Variants in CCDC85A observed in about 807,000 individuals in gnomAD.
The protein encoded by CCDC85A is coiled-coil domain-containing protein 85A.
A neutral mutation model predicts 50.2 loss-of-function variants in CCDC85A; 38 were observed. The ratio of observed to expected loss-of-function variants is 0.76; its 90% CI spans 0.58 to 0.99. CCDC85A has a LOEUF of 0.99. Among genes scored for constraint, CCDC85A ranks in the 50% least tolerant of loss-of-function variants. The pLI is 0.00. For missense variants in CCDC85A, 820 were observed against 742.0 expected, an observed-to-expected ratio of 1.11 and a Z score of -1.22; for synonymous variants, 366 against 301.4, an observed-to-expected ratio of 1.21 and a Z score of -2.22.
chr2:56,284,653 G>A (rs34721129), intron 2 of CCDC85A, among the ~76,000 whole-genome samples: 6 of 152,194 alleles, frequency 3.9e-5, no homozygotes. Context: ...GATTACAGGC[G>A]TGAGCCACCA....
intron 2 of CCDC85A, among the ~76,000 whole-genome samples, chr2:56,210,827 T>A (rs1158137723): frequency 6.6e-6 from 1 of 152,044 alleles, no homozygotes; most frequent in African/African-American, 2.4e-5. Context: ...TGTGACCTAG[T>A]CTTAGAAGTC....
chr2:56,321,565 C>T (rs1037808858), intron 2 of CCDC85A, among the ~76,000 whole-genome samples: 2 of 152,086 alleles, frequency 1.3e-5, no homozygotes, highest in East Asian at 1.9e-4. Flanking sequence ...GAATACAATA[C>T]CTAGGAATCC....
At chr2:56,190,005 A>G (rs1170003456) in intron 1 of CCDC85A, among the ~76,000 whole-genome samples, 1 of 152,224 alleles carries the variant, frequency 6.6e-6, no homozygotes, top group African/African-American at 2.4e-5. Flanking sequence ...AAGAATTAGA[A>G]CTGGAGTTAG....
chr2:56,361,039 G>T (rs966731077), intron 3 of CCDC85A, among the ~76,000 whole-genome samples: 1 of 152,106 alleles, frequency 6.6e-6, no homozygotes, highest in African/African-American at 2.4e-5. Context: ...AGATCACAAG[G>T]TCAGGAGATC....
At chr2:56,251,305 T>C (rs1310876632) in intron 2 of CCDC85A, among the ~76,000 whole-genome samples, 3 of 152,212 alleles carry the variant, frequency 2.0e-5, no homozygotes, top group African/African-American at 7.2e-5. Flanking sequence ...TAGTGAATAT[T>C]TGTTGAACAC....
chr2:56,239,766 A>G (rs1400731470), intron 2 of CCDC85A, among the ~76,000 whole-genome samples: 2 of 152,154 alleles, frequency 1.3e-5, no homozygotes, highest in Non-Finnish European at 2.9e-5. Flanking sequence ...TATTTTCCAG[A>G]TCCTTCCAGT....
At chr2:56,275,181 C>G (rs186611545) in intron 2 of CCDC85A, among the ~76,000 whole-genome samples, 1 of 152,276 alleles carries the variant, frequency 6.6e-6, no homozygotes, top group Admixed American at 6.5e-5. Flanking sequence ...CACCATGAAT[C>G]TGTTATATTA....
At chr2:56,259,407 C>T (rs1399039474) in intron 2 of CCDC85A, among the ~76,000 whole-genome samples, 9 of 152,202 alleles carry the variant, frequency 5.9e-5, no homozygotes, top group Non-Finnish European at 2.9e-5. Flanking sequence ...CAGCCTATTG[C>T]TCCAGTGCCT....
At chr2:56,372,292 TTG>T in intron 3 of CCDC85A, 50 bp from the exon 4 acceptor site, 1 of 1,453,058 alleles carries the variant, frequency 6.9e-7, no homozygotes, top group Non-Finnish European at 9.2e-7. Flanking sequence ...TTCTTGAGAC[TTG>T]GGAAACAGTA....
rs1273454858 is a variant in CCDC85A, at chr2:56,234,649, TC to T, written c.1240+41210del. On this transcript the variant is annotated intron_variant, in intron 2 of 5. Coordinates refer to ENST00000407595, the MANE Select transcript of CCDC85A (RefSeq NM_001080433.2). The stretch of plus-strand genomic sequence containing the variant: ...TAATTATTTATCCTACCTTTTTTTT[TC>T]TTCTCTGGATTTCATTTCCCTTTCA... 3.9e-5 allele frequency among the ~76,000 whole-genome samples: 6 copies of T among 152,294 alleles called. No individual in the cohort carries two copies. The East Asian group carries it at 1.2e-3, about 29-fold the overall frequency.
intron 2 of CCDC85A, among the ~76,000 whole-genome samples, chr2:56,241,160 TCAAACC>T (rs1443806684): frequency 1.3e-5 from 2 of 152,172 alleles, no homozygotes; most frequent in Admixed American, 6.6e-5. Flanking sequence ...AAATGTCTAT[TCAAACC>T]CTTTGGCCAT....
chr2:56,253,683 C>T, intron 2 of CCDC85A, among the ~76,000 whole-genome samples: 1 of 152,110 alleles, frequency 6.6e-6, no homozygotes. Flanking sequence ...CTGATGGTAG[C>T]AATGCATAGA....
At chr2:56,260,350 T>G (rs983102577) in intron 2 of CCDC85A, among the ~76,000 whole-genome samples, 2 of 152,236 alleles carry the variant, frequency 1.3e-5, no homozygotes, top group African/African-American at 4.8e-5. Context: ...AAAAAGAATC[T>G]GACAGGGAAC....
At position 56,192,693 on chromosome 2, in the gene CCDC85A, C is replaced by G. The variant is rs1432265483; in HGVS notation, c.493C>G (p.Leu165Val). 2.5e-6 allele frequency: 4 copies of G among 1,613,870 alleles called. No individual in the cohort carries two copies. The South Asian group carries it at 4.4e-5, about 18-fold the overall frequency. The change falls in exon 2 of 6, where the codon CTC becomes GTC. Residue 165 changes from leucine to valine, a missense_variant. Leu to Val is a conservative substitution (Grantham distance 32). Coordinates refer to ENST00000407595, the MANE Select transcript of CCDC85A (RefSeq NM_001080433.2). The surrounding 1 kb of genome is among the most constrained non-coding windows in gnomAD (Gnocchi z 4.7). Reference sequence around the variant, plus strand: ...GGAAGTGGTGAAGGAGAACATGGAGCTCAAGGAGCTCTGTGTGCTACTAGA... The same window carrying G: ...GGAAGTGGTGAAGGAGAACATGGAGGTCAAGGAGCTCTGTGTGCTACTAGA... ...QEEVVKENMELKELCVLLDEE... is the reference protein window; with the variant it reads ...QEEVVKENMEVKELCVLLDEE...
intron 3 of CCDC85A, among the ~76,000 whole-genome samples, chr2:56,371,937 C>T (rs890433815): frequency 3.9e-5 from 6 of 151,964 alleles, no homozygotes; most frequent in Admixed American, 6.6e-5. Context: ...GCATAGTGCT[C>T]CCAATTGTAT....
chr2:56,225,947 G>C (rs532908270), intron 2 of CCDC85A, among the ~76,000 whole-genome samples: 1 of 152,242 alleles, frequency 6.6e-6, no homozygotes, highest in South Asian at 2.1e-4. Context: ...TAAACAACGA[G>C]AAGAATTGAT....
chr2:56,363,029 T>C (rs1315067958), intron 3 of CCDC85A, among the ~76,000 whole-genome samples: 1 of 152,216 alleles, frequency 6.6e-6, no homozygotes, highest in Non-Finnish European at 1.5e-5. Context: ...CTCTGTGCCC[T>C]AGACTTATCC....
chr2:56,270,273 AT>A, intron 2 of CCDC85A, among the ~76,000 whole-genome samples: 1 of 152,302 alleles, frequency 6.6e-6, no homozygotes, highest in East Asian at 1.9e-4. Flanking sequence ...TATTTATGTA[AT>A]TTCATACTTT....
chr2:56,198,773 T>C (rs978782300), intron 2 of CCDC85A, among the ~76,000 whole-genome samples: 1 of 152,226 alleles, frequency 6.6e-6, no homozygotes, highest in Non-Finnish European at 1.5e-5. Context: ...TTTCATCTTT[T>C]TCCTATGGAG....
Sources: allele counts gnomAD v4.1 joint callset (sites outside exome capture counted in the v4.1 genomes callset), GRCh38; gene constraint gnomAD v4.1.1; non-coding constraint Gnocchi (gnomAD v3.1); transcripts MANE v1.5; gene names NCBI Gene and HGNC (gene_info 2026-07-23, HGNC 2026-07-21).